SHC3: variants seen among roughly 807,000 people sequenced by gnomAD.
SHC3 encodes SHC-transforming protein 3.
Under a neutral mutation model 60.4 loss-of-function variants are expected in SHC3, and 15 were observed. That is an observed-to-expected ratio of 0.25 (90% CI 0.17 to 0.38). The LOEUF is 0.38. Among genes scored for constraint, SHC3 ranks in the 10% least tolerant of loss-of-function variants. SHC3 has a pLI of 1.00. For synonymous variants in SHC3, 294 were observed against 325.9 expected (o/e 0.90, Z 1.05); for missense variants, 677 against 786.1 (o/e 0.86, Z 1.66).
At chr9:89,154,280 C>G (rs1184661841) in intron 1 of SHC3, among the ~76,000 whole-genome samples, 1 of 151,882 alleles carries the variant, frequency 6.6e-6, no homozygotes, top group African/African-American at 2.4e-5. Flanking sequence ...TTTTCTTCTT[C>G]CAATGTGGCC....
intron 4 of SHC3, among the ~76,000 whole-genome samples, chr9:89,072,706 AATTT>A (rs1428216790): frequency 1.3e-5 from 2 of 152,138 alleles, no homozygotes; most frequent in African/African-American, 2.4e-5. Context: ...CATTGAAGTA[AATTT>A]CCGGGGGTGA....
rs138883618 is a variant in SHC3 at position 89,058,674 on chromosome 9, T to A, written c.836-6511A>T. 1.0e-3 allele frequency among the ~76,000 whole-genome samples: 137 copies of A among 135,372 alleles called. 1 individual carries two copies. The highest frequency in any genetic ancestry group is 9.9e-3 in the Middle Eastern group (2 of 202). The allele number at this position is 135,372 out of a possible 152,430, so 88.8% of individuals were successfully genotyped here. On this transcript the variant is annotated intron_variant, in intron 6 of 11. Transcript: ENST00000375835. The stretch of plus-strand genomic sequence containing the variant: ...CAGAAGATGTGGTGGAGGATGGTGG[T>A]GTAGGATGTGATGGAGGGCGGTGGT...
chr9:89,111,664 C>T (rs1353227348), intron 2 of SHC3, among the ~76,000 whole-genome samples: 2 of 151,938 alleles, frequency 1.3e-5, no homozygotes, highest in South Asian at 4.1e-4. Context: ...GTACCTATAA[C>T]AGAATTGAGG....
intron 5 of SHC3, among the ~76,000 whole-genome samples, chr9:89,068,668 T>TAAA (rs966057964): frequency 8.6e-5 from 13 of 151,068 alleles, no homozygotes; most frequent in African/African-American, 3.2e-4. Flanking sequence ...CAATTTTTTT[T>TAAA]AAAAAAAAAT....
At chr9:89,090,530 G>A (rs915845493) in intron 2 of SHC3, among the ~76,000 whole-genome samples, 1 of 152,232 alleles carries the variant, frequency 6.6e-6, no homozygotes, top group Admixed American at 6.5e-5. Flanking sequence ...CACTCCAGGG[G>A]ATTGGTGGGT....
Position 89,010,271 on chromosome 9 carries a change from G to A in SHC3, c.*3176C>T, listed in dbSNP as rs541493883. On this transcript the variant is annotated 3_prime_UTR_variant, in exon 12 of 12. Transcript: ENST00000375835. Reference sequence around the variant, plus strand: ...GTGGTGTCTTAAGCACAGGATTAAAGATTGAGTCATTTGACTGCGGTGTTT... The same window carrying A: ...GTGGTGTCTTAAGCACAGGATTAAAAATTGAGTCATTTGACTGCGGTGTTT... 2 of 152,364 alleles carry A rather than the reference G, an allele frequency of 1.3e-5. No individual in the cohort carries two copies. Among genetic ancestry groups the A allele is most frequent in the African/African-American group, 4.8e-5 (2 of 41,576 alleles). The allele number at this position is 152,364 out of a possible 1,614,324, so 9.4% of individuals were successfully genotyped here. A position where few individuals can be genotyped will look rare whatever the true frequency, so the allele number is the denominator to read the frequency against.
chr9:89,177,434 T>G (rs1826956757), intron 1 of SHC3, among the ~76,000 whole-genome samples: 1 of 152,178 alleles, frequency 6.6e-6, no homozygotes, highest in East Asian at 1.9e-4. Context: ...CAAGAAAACC[T>G]GGACTGGGTG....
At chr9:89,030,256 G>A (rs1824461586) in intron 11 of SHC3, among the ~76,000 whole-genome samples, 1 of 151,978 alleles carries the variant, frequency 6.6e-6, no homozygotes, top group East Asian at 1.9e-4. Flanking sequence ...AATAAAAGGA[G>A]AATAGACAAT....
At chr9:89,017,721 T>C (rs1352466843) in intron 11 of SHC3, among the ~76,000 whole-genome samples, 1 of 152,028 alleles carries the variant, frequency 6.6e-6, no homozygotes, top group Non-Finnish European at 1.5e-5. Context: ...ACCTACAGAA[T>C]GGGAGAAAAT....
At chr9:89,150,484 C>T (rs1826530649) in intron 1 of SHC3, among the ~76,000 whole-genome samples, 1 of 152,156 alleles carries the variant, frequency 6.6e-6, no homozygotes, top group South Asian at 2.1e-4. Context: ...GTGTCTGGCT[C>T]CTTTGCTTAG....
chr9:89,029,924 C>A (rs563439365), intron 11 of SHC3, among the ~76,000 whole-genome samples: 2 of 151,972 alleles, frequency 1.3e-5, no homozygotes, highest in East Asian at 3.9e-4. Context: ...AATCATATAT[C>A]ATAAATAACA....
intron 11 of SHC3, among the ~76,000 whole-genome samples, chr9:89,027,144 G>A (rs1394674961): frequency 6.6e-6 from 1 of 152,198 alleles, no homozygotes; most frequent in Non-Finnish European, 1.5e-5. Context: ...ACAGCTCTGA[G>A]TTCCCCTGGG....
At chr9:89,164,023 T>C (rs1392016446) in intron 1 of SHC3, among the ~76,000 whole-genome samples, 1 of 152,070 alleles carries the variant, frequency 6.6e-6, no homozygotes, top group Non-Finnish European at 1.5e-5. Flanking sequence ...AGGCCTCACC[T>C]CCTAACACCA....
Position 89,071,217 on chromosome 9 carries a change from G to A in SHC3, c.765C>T (p.Phe255=), listed in dbSNP as rs748962266. The change falls in exon 5 of 12, where the codon TTC becomes TTT. Residue 255 remains phenylalanine (F), a synonymous_variant. Transcript: ENST00000375835. ...IANHHMRSIS[F]ASGGDPDTTD... is the part of the protein sequence containing the mutation. ...TACTTACCGGGTCTCCCCCAGAGGC[G>A]AAGGAGATGGACCGCATGTGGTGAT... 1.2e-5 allele frequency: 20 copies of A among 1,614,024 alleles called. No individual in the cohort carries two copies. The highest frequency in any genetic ancestry group is 6.7e-5 in the East Asian group (3 of 44,894).
At chr9:89,075,342 T>A (rs889161020) in intron 3 of SHC3, 114 bp from the exon 4 acceptor site, 1 of 1,375,262 alleles carries the variant, frequency 7.3e-7, no homozygotes, top group Non-Finnish European at 9.8e-7. Context: ...TCCTTAGGCA[T>A]AAGAAGACAA....
chr9:89,009,144 T>C lies in SHC3; in HGVS notation c.*4303A>G, dbSNP rs1463569707. The C allele has an allele frequency of 6.6e-6, 1 of 152,258 alleles. No individual in the cohort carries two copies. The highest frequency in any genetic ancestry group is 2.4e-5 in the African/African-American group (1 of 41,450). The allele number at this position is 152,258 out of a possible 1,614,324, so 9.4% of individuals were successfully genotyped here. A position where few individuals can be genotyped will look rare whatever the true frequency, so the allele number is the denominator to read the frequency against. On this transcript the variant is annotated 3_prime_UTR_variant, in exon 12 of 12. Coordinates refer to ENST00000375835, the MANE Select transcript of SHC3 (RefSeq NM_016848.6). ...TTTTCTAAGTTGATCCCCAGGCCCTTGCATGGCTCCAGTTTCCTCTTCTGA... is the reference window on the plus strand; with the variant it reads ...TTTTCTAAGTTGATCCCCAGGCCCTCGCATGGCTCCAGTTTCCTCTTCTGA...
intron 1 of SHC3, among the ~76,000 whole-genome samples, chr9:89,132,557 C>T (rs928168803): frequency 3.9e-5 from 6 of 152,190 alleles, no homozygotes; most frequent in African/African-American, 1.4e-4. Flanking sequence ...GGTATCAAAA[C>T]AGAGATATAG....
intron 11 of SHC3, among the ~76,000 whole-genome samples, chr9:89,014,338 C>G (rs1826060645): frequency 6.6e-6 from 1 of 152,220 alleles, no homozygotes. Context: ...GGCACATTCA[C>G]AGATATCACT....
intron 1 of SHC3, among the ~76,000 whole-genome samples, chr9:89,157,516 T>G (rs1826639794): frequency 6.6e-6 from 1 of 152,264 alleles, no homozygotes; most frequent in Non-Finnish European, 1.5e-5. Context: ...GATAAATTTC[T>G]GTTGTTTTAA....
Sources: allele counts gnomAD v4.1 joint callset (sites outside exome capture counted in the v4.1 genomes callset), GRCh38; gene constraint gnomAD v4.1.1; transcripts MANE v1.5; gene names NCBI Gene and HGNC (gene_info 2026-07-23, HGNC 2026-07-21).